Variants in TMBIM6 observed in about 807,000 individuals in gnomAD.
TMBIM6 encodes the protein transmembrane BAX inhibitor motif containing 6.
In TMBIM6, 13 loss-of-function variants were observed where a neutral mutation model predicts 31.4. The observed-to-expected ratio is 0.41, with a 90% CI of 0.27 to 0.66. The LOEUF is 0.66. Ranked by LOEUF, TMBIM6 falls within the 30% of genes least tolerant of loss-of-function variation. TMBIM6 has a pLI of 0.28. For missense variants in TMBIM6, 275 were observed against 289.5 expected (o/e 0.95, Z 0.36); for synonymous variants, 85 against 101.7 (o/e 0.84, Z 0.99).
intron 3 of TMBIM6, among the ~76,000 whole-genome samples, chr12:49,754,191 C>T (rs997222179): frequency 3.3e-5 from 5 of 151,966 alleles, no homozygotes; most frequent in East Asian, 1.9e-4. Flanking sequence ...CTTGTGGTGT[C>T]GTCCTGACTG....
At position 49,764,740 on chromosome 12, in the gene TMBIM6, A is replaced by AAC. The variant is rs1565576953; in HGVS notation, c.*1844_*1845insAC. On this transcript the variant is annotated 3_prime_UTR_variant, in exon 10 of 10. Coordinates refer to ENST00000267115, the MANE Select transcript of TMBIM6 (RefSeq NM_003217.3). Reference sequence around the variant, plus strand: ...AAAAAAAAGAAAGAAAAAAAAAAAAACACCTACTTTTAAAGAAAATACCTA... The same window carrying AAC: ...AAAAAAAAGAAAGAAAAAAAAAAAAAACCACCTACTTTTAAAGAAAATACCTA... The AAC allele has an allele frequency of 5.3e-5, 8 of 151,334 alleles. No homozygotes were observed. Among genetic ancestry groups the AAC allele is most frequent in the South Asian group, 2.1e-4 (1 of 4,790 alleles). 9.4% of individuals were successfully genotyped at this position (151,334 alleles called of 1,614,324 possible).
At chr12:49,741,935 CCTT>C (rs1319478733) in intron 1 of TMBIM6, 21 of 767,964 alleles carry the variant, frequency 2.7e-5, no homozygotes, top group Non-Finnish European at 3.8e-5. Context: ...TTCTCCCGCT[CCTT>C]CTCCTCTACT....
rs199748377 is a variant in TMBIM6 at position 49,755,760 on chromosome 12, G to A, written c.286+5G>A. ...CTGGATTTGCATTCCTTACAGGTAC[G>A]TTAAGGGATTTGTCTAATTTTGAGG... is the stretch of plus-strand genomic sequence containing the variant. On this transcript the variant is annotated splice_donor_5th_base_variant and intron_variant, in intron 4 of 9. Coordinates refer to ENST00000267115, the MANE Select transcript of TMBIM6 (RefSeq NM_003217.3). 6.2e-5 allele frequency: 100 copies of A among 1,611,658 alleles called. No homozygotes were observed. Among genetic ancestry groups the A allele is most frequent in the South Asian group, 3.9e-4 (35 of 90,774 alleles).
Position 49,759,310 on chromosome 12 carries a change from A to C in TMBIM6, c.603A>C (p.Gln201His). 6.2e-7 allele frequency: 1 copy of C among 1,613,774 alleles called. No individual in the cohort carries two copies. The highest frequency in any genetic ancestry group is 1.1e-5 in the South Asian group (1 of 91,080). ...LIIEKAEHGDQDYIWHCIDLF... is the reference protein window; with the variant it reads ...LIIEKAEHGDHDYIWHCIDLF... ...TTGAAAAGGCCGAACATGGAGATCA[A>C]GATTATATCTGGTGAGTGTGGGAAC... Residue 201 changes from glutamine to histidine, a missense_variant, in exon 8 of 10, where the codon CAA (glutamine) becomes CAC (histidine). By Grantham distance (24) the Gln-to-His change is conservative. Transcript: ENST00000267115.
rs1304411555 is a variant in TMBIM6, at chr12:49,763,821, G to T, written c.*925G>T. ...CCTGCCAGACCTGTTTGGGGCAGTG[G>T]GGAGCAAACCTAGATAAGGACCTGT... On this transcript the variant is annotated 3_prime_UTR_variant, in exon 10 of 10. Coordinates refer to ENST00000267115, the MANE Select transcript of TMBIM6 (RefSeq NM_003217.3). 1 of 152,140 alleles carries T rather than the reference G, an allele frequency of 6.6e-6. No homozygotes were observed. Among genetic ancestry groups the T allele is most frequent in the African/African-American group, 2.4e-5 (1 of 41,414 alleles). The allele number at this position is 152,140 out of a possible 1,614,324, so 9.4% of individuals were successfully genotyped here.
rs538297413 is a variant in TMBIM6 at position 49,741,995 on chromosome 12, C to T, written c.-31+384C>T. On this transcript the variant is annotated intron_variant, in intron 1 of 9. Transcript: ENST00000267115. ...TGGCCTAGCTTCGATCGTTCGAATT[C>T]AGAGCACGTCCTTCCGAGGTGAAGG... The T allele has an allele frequency of 3.0e-4, 377 of 1,267,010 alleles. 4 individuals are homozygous for T. The African/African-American group carries it at 4.8e-3, about 16-fold the overall frequency. The allele number at this position is 1,267,010 out of a possible 1,614,324, so 78.5% of individuals were successfully genotyped here.
In TMBIM6 at chr12:49,754,044, G is replaced by A. The variant is rs1442430792; in HGVS notation, c.165+963G>A. ...TGTTGCAGTGTTTTCAGCTGAGGTT[G>A]AACAAGACAGTGCTCTGCCTTCTTG... On this transcript the variant is annotated intron_variant, in intron 3 of 9. Transcript: ENST00000267115. 2.0e-5 allele frequency among the ~76,000 whole-genome samples: 3 copies of A among 151,974 alleles called. No individual in the cohort carries two copies. In the East Asian group the frequency reaches 5.8e-4, roughly 29 times the overall value.
intron 1 of TMBIM6, chr12:49,744,649 C>G (rs1288408010): frequency 6.6e-6 from 1 of 152,132 alleles, no homozygotes; most frequent in Non-Finnish European, 1.5e-5. Context: ...GTGCTTAAAT[C>G]TTGGGGATAG....
rs1945577466 is a variant in TMBIM6 at position 49,755,739 on chromosome 12, A to T, written c.270A>T (p.Gly90=). 6.2e-7 allele frequency: 1 copy of T among 1,613,128 alleles called. No homozygotes were observed. Among genetic ancestry groups the T allele is most frequent in the East Asian group, 2.2e-5 (1 of 44,826 alleles). ...AGAAAAGACTGGGACTTCTTGCTGGATTTGCATTCCTTACAGGTACGTTAA... is the reference window on the plus strand; with the variant it reads ...AGAAAAGACTGGGACTTCTTGCTGGTTTTGCATTCCTTACAGGTACGTTAA... ...TEQKRLGLLA[G]FAFLTGVGLG... The change falls in exon 4 of 10, where the codon GGA becomes GGT. Residue 90 remains glycine, a synonymous_variant. Coordinates refer to ENST00000267115, the MANE Select transcript of TMBIM6 (RefSeq NM_003217.3).
Position 49,763,288 on chromosome 12 carries a change from T to C in TMBIM6, c.*392T>C, listed in dbSNP as rs7688. On this transcript the variant is annotated 3_prime_UTR_variant, in exon 10 of 10. Transcript: ENST00000267115. The stretch of plus-strand genomic sequence containing the variant: ...AGCCACCCGGCCCTTCCTTCCTCAT[T>C]GTTGTTTGGTATGCGCACAGTTCCT... The C allele has an allele frequency of 0.2, 34,092 of 173,080 alleles. 5,742 individuals carry two copies. Among genetic ancestry groups the C allele is most frequent in the African/African-American group, 0.48 (20,446 of 42,244 alleles). The allele number at this position is 173,080 out of a possible 1,614,324, so 10.7% of individuals were successfully genotyped here. A position where few individuals can be genotyped will look rare whatever the true frequency, so the allele number is the denominator to read the frequency against.
chr12:49,758,856 T>C (rs1945659454), intron 7 of TMBIM6, 94 bp downstream of exon 7: 3 of 1,093,276 alleles, frequency 2.7e-6, no homozygotes, highest in Non-Finnish European at 4.0e-6. Context: ...TGTACTACTT[T>C]GGGCAGTGCT....
intron 1 of TMBIM6, among the ~76,000 whole-genome samples, chr12:49,747,566 C>T (rs1254002489): frequency 6.6e-6 from 1 of 152,238 alleles, no homozygotes; most frequent in East Asian, 1.9e-4. Flanking sequence ...ACCTTGGCTT[C>T]CCAAAGTGCT....
intron 1 of TMBIM6, among the ~76,000 whole-genome samples, chr12:49,749,439 TTG>T (rs1270531233): frequency 6.8e-6 from 1 of 146,926 alleles, no homozygotes; most frequent in African/African-American, 2.7e-5. Flanking sequence ...TAAGTCATTT[TTG>T]TTTTTTTTTG....
At chr12:49,747,830 T>G (rs576155412) in intron 1 of TMBIM6, among the ~76,000 whole-genome samples, 1 of 152,348 alleles carries the variant, frequency 6.6e-6, no homozygotes, top group African/African-American at 2.4e-5. Flanking sequence ...TTTTGGCTAC[T>G]TCAGCATGTT....
At chr12:49,743,280 G>C (rs1945332025) in intron 1 of TMBIM6, 1 of 151,092 alleles carries the variant, frequency 6.6e-6, no homozygotes, top group South Asian at 2.1e-4. Flanking sequence ...CCTTACCCAA[G>C]CTGGAGTGCA....
At chr12:49,762,848 T>A (rs1565575087) in intron 9 of TMBIM6, 25 bp from the exon 10 acceptor site, 1 of 1,610,904 alleles carries the variant, frequency 6.2e-7, no homozygotes, top group Non-Finnish European at 8.5e-7. Context: ...AAAAAATTAA[T>A]TGGGTGATTT....
intron 1 of TMBIM6, among the ~76,000 whole-genome samples, chr12:49,750,942 G>A (rs1360363474): frequency 2.0e-5 from 3 of 152,130 alleles, no homozygotes; most frequent in African/African-American, 4.8e-5. Flanking sequence ...AGTAGGTGGC[G>A]TTTCACACAA....
chr12:49,742,279 A>G lies in TMBIM6; in HGVS notation c.-31+668A>G, dbSNP rs768663177. ...CTTTTCGGATTGGTTACCTTTGGGC[A>G]GGTGAGGTGGCTTTGCTTTGCTTGG... On this transcript the variant is annotated intron_variant, in intron 1 of 9. Transcript: ENST00000267115. The G allele has an allele frequency of 3.3e-5, 53 of 1,587,286 alleles. No individual in the cohort carries two copies. Among genetic ancestry groups the G allele is most frequent in the Admixed American group, 1.8e-5 (1 of 54,152 alleles).
Position 49,753,208 on chromosome 12 carries a change from CAG to C in TMBIM6, c.165+129_165+130del, listed in dbSNP as rs3214820. 13 of 667,748 alleles carry C rather than the reference CAG, an allele frequency of 1.9e-5. No homozygotes were observed. The East Asian group carries it at 3.8e-4, about 19-fold the overall frequency. 41.4% of individuals were successfully genotyped at this position (667,748 alleles called of 1,614,324 possible). A position where few individuals can be genotyped will look rare whatever the true frequency, so the allele number is the denominator to read the frequency against. On this transcript the variant is annotated intron_variant, in intron 3 of 9. Transcript: ENST00000267115. ...TTATCAGTAGTTTAGGATTTAAACT[CAG>C]ACATTAAATCAGGACATGTAAAGCC...
Sources: allele counts gnomAD v4.1 joint callset (sites outside exome capture counted in the v4.1 genomes callset), GRCh38; gene constraint gnomAD v4.1.1; transcripts MANE v1.5; gene names NCBI Gene and HGNC (gene_info 2026-07-23, HGNC 2026-07-21).